FOCAD: variants seen among roughly 807,000 people sequenced by gnomAD.
The protein encoded by FOCAD is KIAA1797.
FOCAD carries 198 observed loss-of-function variants against 225.6 expected under a neutral mutation model. The observed-to-expected ratio is 0.88, with a 90% CI of 0.78 to 0.99. The LOEUF is 0.99. FOCAD is among the 50% of genes least tolerant of loss of function. The pLI is 0.00. For missense variants in FOCAD, 2,713 were observed against 2,123.6 expected (o/e 1.28, Z -5.46); for synonymous variants, 897 against 755.0 (o/e 1.19, Z -3.08).
At position 20,951,972 on chromosome 9, in the gene FOCAD, T is replaced by G. The variant is rs1202331153; in HGVS notation, c.4051+874T>G. Among the ~76,000 whole-genome samples, 2 of 152,176 alleles carry G rather than the reference T, an allele frequency of 1.3e-5. 1 individual carries two copies. The highest frequency in any genetic ancestry group is 2.9e-5 in the Non-Finnish European group (2 of 68,026). ...CTCTGAAATTACCATTTTCCTTTCT[T>G]TCAGTCATTCTGTAGCTATGGAAAT... On this transcript the variant is annotated intron_variant, in intron 34 of 43. Transcript: ENST00000338382.
At chr9:20,733,638 A>G (rs1269228884) in intron 4 of FOCAD, among the ~76,000 whole-genome samples, 1 of 152,112 alleles carries the variant, frequency 6.6e-6, no homozygotes, top group African/African-American at 2.4e-5. Flanking sequence ...TAGTTTACTG[A>G]GAATGATGAT....
intron 16 of FOCAD, among the ~76,000 whole-genome samples, chr9:20,865,559 TG>T (rs1829154328): frequency 6.6e-6 from 1 of 151,970 alleles, no homozygotes; most frequent in African/African-American, 2.4e-5. Flanking sequence ...ATGCTAGATG[TG>T]GAGGTGTACC....
At chr9:20,878,422 C>T (rs1053664454) in intron 19 of FOCAD, among the ~76,000 whole-genome samples, 5 of 152,110 alleles carry the variant, frequency 3.3e-5, no homozygotes, top group African/African-American at 7.2e-5. Context: ...AGTTATTGCT[C>T]GGCCATTGGA....
chr9:20,792,782 T>C (rs182946905), intron 11 of FOCAD, among the ~76,000 whole-genome samples: 1 of 152,186 alleles, frequency 6.6e-6, no homozygotes, highest in Non-Finnish European at 1.5e-5. Context: ...TGAAATCACT[T>C]ATGTGACTAG....
chr9:20,669,916 C>T (rs1399592621), intron 2 of FOCAD, among the ~76,000 whole-genome samples: 1 of 152,192 alleles, frequency 6.6e-6, no homozygotes, highest in African/African-American at 2.4e-5. Context: ...AGGTCATATA[C>T]TCATGAAGCC....
intron 1 of FOCAD, among the ~76,000 whole-genome samples, chr9:20,709,979 A>G (rs1824700005): frequency 6.6e-6 from 1 of 152,148 alleles, no homozygotes; most frequent in Admixed American, 6.6e-5. Flanking sequence ...CTTCTATAAT[A>G]AGCTATTAGC....
chr9:20,728,581 T>C (rs12001032), intron 4 of FOCAD, among the ~76,000 whole-genome samples: 6,395 of 152,296 alleles, frequency 0.042, 193 homozygotes, highest in African/African-American at 0.084. Flanking sequence ...TTGGCTCTTA[T>C]GCCTAGTGAA....
Position 20,907,357 on chromosome 9 carries a change from A to G in FOCAD, c.2718+115A>G, listed in dbSNP as rs541463317. ...GGGAAAATAGCACTACCAAAAATGTAATGGTTATTTTTACTCATAAAAGAA... is the reference window on the plus strand; with the variant it reads ...GGGAAAATAGCACTACCAAAAATGTGATGGTTATTTTTACTCATAAAAGAA... On this transcript the variant is annotated intron_variant, in intron 22 of 43. Transcript: ENST00000338382. 33 of 812,490 alleles carry G rather than the reference A, an allele frequency of 4.1e-5. No homozygotes were observed. The South Asian group carries it at 4.9e-4, about 12-fold the overall frequency. 50.3% of individuals were successfully genotyped at this position (812,490 alleles called of 1,614,324 possible).
At chr9:20,763,767 A>G (rs930351652) in intron 6 of FOCAD, among the ~76,000 whole-genome samples, 2 of 152,180 alleles carry the variant, frequency 1.3e-5, no homozygotes, top group African/African-American at 2.4e-5. Context: ...ACAGAGGCCA[A>G]ATGATGGAGG....
At chr9:20,940,805 A>G (rs1284528668) in intron 28 of FOCAD, among the ~76,000 whole-genome samples, 1 of 152,234 alleles carries the variant, frequency 6.6e-6, no homozygotes, top group African/African-American at 2.4e-5. Context: ...GGCAGAGCCA[A>G]GAGAGAAACC....
At chr9:20,707,548 A>G (rs771249777) in intron 1 of FOCAD, among the ~76,000 whole-genome samples, 6 of 152,214 alleles carry the variant, frequency 3.9e-5, no homozygotes, top group Non-Finnish European at 8.8e-5. Context: ...TTTATGTATT[A>G]TATATACTGT....
In FOCAD at chr9:20,951,090, G is replaced by T. The variant is rs1212615688; in HGVS notation, c.4043G>T (p.Arg1348Ile). ...TCTACTCTATCCTCAAGTCAAAGTAGAGCCTCTGGTAAGATTAAAGTCATA... is the reference window on the plus strand; with the variant it reads ...TCTACTCTATCCTCAAGTCAAAGTATAGCCTCTGGTAAGATTAAAGTCATA... Reference protein sequence around the residue: ...HLSTLSSSQSRASVPTDYSYL... With the variant: ...HLSTLSSSQSIASVPTDYSYL... Residue 1348 changes from arginine to isoleucine, a missense_variant, in exon 34 of 44, where the codon AGA becomes ATA. Physicochemically the swap from Arg to Ile is moderately conservative, Grantham distance 97 (BLOSUM62 -3). Transcript: ENST00000338382. 1 of 1,612,632 alleles carries T rather than the reference G, an allele frequency of 6.2e-7. No individual in the cohort carries two copies.
chr9:20,940,077 C>G (rs1052466316), intron 28 of FOCAD, among the ~76,000 whole-genome samples: 1 of 152,046 alleles, frequency 6.6e-6, no homozygotes, highest in Non-Finnish European at 1.5e-5. Context: ...TTTTAATGAA[C>G]AACTATATTG....
rs1326746309 is a variant in FOCAD, at chr9:20,920,821, G to A, written c.2853-2839G>A. On this transcript the variant is annotated intron_variant, in intron 24 of 43. Coordinates refer to ENST00000338382, the MANE Select transcript of FOCAD (RefSeq NM_001375567.1). ...CACTCTGGGGACTGTTGTGGGGTGG[G>A]GGGAGTGGGGAGGGATAGCATTAGG... Among the ~76,000 whole-genome samples the A allele has an allele frequency of 1.4e-4, 21 of 150,976 alleles. 1 individual carries two copies. The highest frequency in any genetic ancestry group is 8.5e-4 in the Admixed American group (13 of 15,206).
chr9:20,761,925 G>A (rs1274650085), intron 6 of FOCAD, among the ~76,000 whole-genome samples: 1 of 151,970 alleles, frequency 6.6e-6, no homozygotes, highest in African/African-American at 2.4e-5. Context: ...TTACTCCACC[G>A]AAGTGATGAT....
chr9:20,925,879 C>A (rs182308144), intron 25 of FOCAD, among the ~76,000 whole-genome samples: 3 of 152,144 alleles, frequency 2.0e-5, no homozygotes, highest in Non-Finnish European at 4.4e-5. Flanking sequence ...AGATGTTGAT[C>A]TGAATTCTGT....
chr9:20,777,628 C>T (rs546413513), intron 8 of FOCAD, among the ~76,000 whole-genome samples: 1 of 152,172 alleles, frequency 6.6e-6, no homozygotes, highest in East Asian at 1.9e-4. Context: ...ATCTCTACCT[C>T]CCTGGCACTA....
At chr9:20,755,929 G>A (rs1829003431) in intron 5 of FOCAD, among the ~76,000 whole-genome samples, 2 of 152,098 alleles carry the variant, frequency 1.3e-5, no homozygotes, top group South Asian at 4.1e-4. Context: ...CAAAGTGCTG[G>A]GATTACAGGT....
intron 15 of FOCAD, among the ~76,000 whole-genome samples, chr9:20,833,489 GAA>G (rs1233479694): frequency 1.3e-5 from 2 of 151,978 alleles, no homozygotes; most frequent in Non-Finnish European, 2.9e-5. Flanking sequence ...GATAAGACAG[GAA>G]GATCTCGCAG....
Sources: allele counts gnomAD v4.1 joint callset (sites outside exome capture counted in the v4.1 genomes callset), GRCh38; gene constraint gnomAD v4.1.1; transcripts MANE v1.5; gene names NCBI Gene and HGNC (gene_info 2026-07-23, HGNC 2026-07-21).